ZNF714: variants seen among roughly 807,000 people sequenced by gnomAD.
The protein encoded by ZNF714 is zinc finger protein 714.
Under a neutral mutation model 46.2 loss-of-function variants are expected in ZNF714, and 32 were observed. That is an observed-to-expected ratio of 0.69 (90% confidence interval 0.52 to 0.93). The LOEUF (loss-of-function observed/expected upper bound fraction) is 0.93. Among genes scored for constraint, ZNF714 ranks in the 40% least tolerant of loss-of-function variants. The pLI is 0.00. For synonymous variants in ZNF714, 199 were observed against 213.1 expected (o/e 0.93, Z 0.58); for missense variants, 635 against 646.3 (o/e 0.98, Z 0.19).
At chr19:21,098,376 G>A in intron 3 of ZNF714, 65 bp downstream of exon 3, 2 of 1,563,398 alleles carry the variant, frequency 1.3e-6, no homozygotes, top group Non-Finnish European at 1.7e-6. Context: ...TTTTTTTGTA[G>A]AATTTTCTTT....
chr19:21,107,915 T>TTA (rs2144861670), intron 4 of ZNF714, among the ~76,000 whole-genome samples: 1 of 152,278 alleles, frequency 6.6e-6, no homozygotes, highest in African/African-American at 2.4e-5. Context: ...AAGTGTATGA[T>TTA]TTTGGTCTTC....
intron 2 of ZNF714, among the ~76,000 whole-genome samples, chr19:21,094,685 C>A (rs939367993): frequency 6.6e-6 from 1 of 152,104 alleles, no homozygotes; most frequent in Non-Finnish European, 1.5e-5. Flanking sequence ...TGCCACCAAG[C>A]CTGACTAATT....
At chr19:21,102,901 T>G (rs1253782209) in intron 4 of ZNF714, among the ~76,000 whole-genome samples, 2 of 152,218 alleles carry the variant, frequency 1.3e-5, no homozygotes, top group African/African-American at 4.8e-5. Flanking sequence ...TTAGCCAATT[T>G]GCAGTTCTGT....
Position 21,118,075 on chromosome 19 carries a change from C to T in ZNF714, c.1411C>T (p.His471Tyr), listed in dbSNP as rs745928743. ...AFNRSSNLTKHNIIHTGEKSY... is the reference protein window; with the variant it reads ...AFNRSSNLTKYNIIHTGEKSY... ...CAACCGATCCTCAAACCTTACTAAA[C>T]ATAACATAATTCATACTGGAGAGAA... is the stretch of plus-strand genomic sequence containing the variant. Residue 471 changes from histidine (H) to tyrosine (Y), a missense_variant, in exon 5 of 5, where the codon CAT (histidine) becomes TAT (tyrosine). Coordinates refer to ENST00000456283, the MANE Select transcript of ZNF714 (RefSeq NM_182515.4). The T allele has an allele frequency of 5.6e-6, 9 of 1,613,842 alleles. No homozygotes were observed. Among genetic ancestry groups the T allele is most frequent in the Admixed American group, 1.7e-5 (1 of 60,012 alleles).
chr19:21,095,787 T>G (rs1241102262), intron 2 of ZNF714, among the ~76,000 whole-genome samples: 1 of 152,184 alleles, frequency 6.6e-6, no homozygotes, highest in African/African-American at 2.4e-5. Context: ...AACTGTCTTT[T>G]TTCTCAATCC....
chr19:21,106,298 G>A (rs1038386838), intron 4 of ZNF714, among the ~76,000 whole-genome samples: 6 of 151,544 alleles, frequency 4.0e-5, no homozygotes, highest in Non-Finnish European at 7.4e-5. Flanking sequence ...GGCCGGGCAC[G>A]GTGGCTCACG....
In ZNF714 at chr19:21,117,317, C is replaced by G. The variant is rs527500598; in HGVS notation, c.653C>G (p.Thr218Arg). ...KAFKHSSTLT[T>R]HKMIHTGEKP... ...TTTAAGCACTCCTCAACCCTTACTACACATAAGATGATTCATACTGGAGAG... is the reference window on the plus strand; with the variant it reads ...TTTAAGCACTCCTCAACCCTTACTAGACATAAGATGATTCATACTGGAGAG... Residue 218 changes from threonine to arginine, a missense_variant, in exon 5 of 5, where the codon ACA becomes AGA. Coordinates refer to ENST00000456283, the MANE Select transcript of ZNF714 (RefSeq NM_182515.4). The G allele has an allele frequency of 1.2e-6, 2 of 1,611,218 alleles. No individual in the cohort carries two copies. Among genetic ancestry groups the G allele is most frequent in the Admixed American group, 3.3e-5 (2 of 59,836 alleles).
chr19:21,104,649 G>T (rs1969270078), intron 4 of ZNF714, among the ~76,000 whole-genome samples: 1 of 151,494 alleles, frequency 6.6e-6, no homozygotes, highest in African/African-American at 2.4e-5. Flanking sequence ...AAGTCTTACT[G>T]TTATCACCCA....
chr19:21,112,845 C>T (rs1466153423), intron 4 of ZNF714, among the ~76,000 whole-genome samples: 3 of 15,342 alleles, frequency 2.0e-4, no homozygotes, highest in African/African-American at 2.4e-4. Flanking sequence ...TTTTTTGAGA[C>T]GGAGTCTCGC....
At chr19:21,111,657 C>T (rs1969451954) in intron 4 of ZNF714, among the ~76,000 whole-genome samples, 1 of 152,110 alleles carries the variant, frequency 6.6e-6, no homozygotes, top group South Asian at 2.1e-4. Context: ...TTGTCTAGTG[C>T]TAGTTTTCAA....
chr19:21,099,695 G>T lies in ZNF714; in HGVS notation c.142+785G>T, dbSNP rs191609497. On this transcript the variant is annotated intron_variant, in intron 4 of 4. Coordinates refer to ENST00000456283, the MANE Select transcript of ZNF714 (RefSeq NM_182515.4). ...TCTTTTTTTTCTCAAGAATGCTTTG[G>T]CTATTTGAAGTTTATTGTAGTTTCT... is the stretch of plus-strand genomic sequence containing the variant. 9.3e-4 allele frequency among the ~76,000 whole-genome samples: 142 copies of T among 151,886 alleles called. 1 individual carries two copies. The highest frequency in any genetic ancestry group is 1.7e-3 in the Admixed American group (26 of 15,246).
chr19:21,085,030 C>T lies in ZNF714; in HGVS notation c.-85+961C>T, dbSNP rs1021310915. On this transcript the variant is annotated intron_variant, in intron 2 of 4. Transcript: ENST00000456283. ...AATTCTCATTTACCTTTTTCTTTCC[C>T]AGAGTGAGTTTAAAAGGTTTCTCAG... Among the ~76,000 whole-genome samples, 7 of 152,102 alleles carry T rather than the reference C, an allele frequency of 4.6e-5. No homozygotes were observed. The East Asian group carries it at 9.6e-4, about 21-fold the overall frequency.
intron 4 of ZNF714, among the ~76,000 whole-genome samples, chr19:21,114,554 G>A (rs1969546312): frequency 6.6e-6 from 1 of 151,988 alleles, no homozygotes; most frequent in Non-Finnish European, 1.5e-5. Context: ...CATGCGAAGT[G>A]GGTCTCTTGA....
chr19:21,110,801 C>G (rs1457193295), intron 4 of ZNF714, among the ~76,000 whole-genome samples: 1 of 152,176 alleles, frequency 6.6e-6, no homozygotes, highest in Middle Eastern at 3.4e-3. Context: ...AGTTTTCTGC[C>G]TATGGCTAGC....
chr19:21,092,879 C>A (rs986920774), intron 2 of ZNF714, among the ~76,000 whole-genome samples: 2 of 145,460 alleles, frequency 1.4e-5, no homozygotes, highest in Non-Finnish European at 3.0e-5. Flanking sequence ...TCTCCAGTGT[C>A]GTCTATGTTG....
chr19:21,113,988 TCTCA>T (rs1266779536), intron 4 of ZNF714, among the ~76,000 whole-genome samples: 2 of 152,234 alleles, frequency 1.3e-5, no homozygotes, highest in African/African-American at 2.4e-5. Flanking sequence ...TGTTAAAGAC[TCTCA>T]CTATTATTAT....
At chr19:21,112,953 G>A (rs1484633605) in intron 4 of ZNF714, among the ~76,000 whole-genome samples, 1 of 150,352 alleles carries the variant, frequency 6.7e-6, no homozygotes. Flanking sequence ...CTCCCAAGTA[G>A]CTGGGATTAC....
Position 21,082,205 on chromosome 19 carries a change from C to T in ZNF714, c.-320C>T, listed in dbSNP as rs913346730. On this transcript the variant is annotated 5_prime_UTR_variant, in exon 1 of 5. Transcript: ENST00000456283. ...TTCGGGGATGTGGCGGGGCCTTTGT[C>T]TCTCGCTGCAGCTGGAGCTGCAGGT... 15 of 890,190 alleles carry T rather than the reference C, an allele frequency of 1.7e-5. No individual in the cohort carries two copies. The African/African-American group carries it at 2.4e-4, about 14-fold the overall frequency. The allele number at this position is 890,190 out of a possible 1,614,324, so 55.1% of individuals were successfully genotyped here. A position where few individuals can be genotyped will look rare whatever the true frequency, so the allele number is the denominator to read the frequency against.
At chr19:21,094,575 G>A (rs1219530678) in intron 2 of ZNF714, among the ~76,000 whole-genome samples, 1 of 152,118 alleles carries the variant, frequency 6.6e-6, no homozygotes, top group Admixed American at 6.5e-5. Flanking sequence ...CACCCAGGCT[G>A]GAGTACAGTG....
Sources: allele counts gnomAD v4.1 joint callset (sites outside exome capture counted in the v4.1 genomes callset), GRCh38; gene constraint gnomAD v4.1.1; transcripts MANE v1.5; gene names NCBI Gene and HGNC (gene_info 2026-07-23, HGNC 2026-07-21).